The following CHM variants were observed in gnomAD, a reference collection of about 807,000 sequenced individuals.
CHM encodes the protein rab proteins geranylgeranyltransferase component A 1.
Under a neutral mutation model 49.0 loss-of-function variants are expected in CHM, and 10 were observed. That is an observed-to-expected ratio of 0.20 (90% CI 0.13 to 0.35). CHM has a LOEUF of 0.35. Ranked by LOEUF, CHM falls within the 10% of genes least tolerant of loss-of-function variation. The probability of loss-of-function intolerance (pLI) is 1.00; values close to 1 mark genes in which losing one functional copy is unlikely to be tolerated. For synonymous variants in CHM, 184 were observed against 167.5 expected, an observed-to-expected ratio of 1.10 and a Z score of -0.76; for missense variants, 455 against 478.4, an observed-to-expected ratio of 0.95 and a Z score of 0.46.
At chrX:85,873,291 G>A (rs1603234398) in intron 13 of CHM, 79 bp from the exon 14 acceptor site, 7 of 738,010 alleles carry the variant, frequency 9.5e-6, no homozygotes, top group African/African-American at 6.4e-5. Context: ...GCCTATTACC[G>A]ATTAAGCCAT....
chrX:85,876,709 A>C (rs748095301), intron 13 of CHM, among the ~76,000 whole-genome samples: 2 of 111,812 alleles, frequency 1.8e-5, no homozygotes, highest in East Asian at 5.6e-4. Context: ...TCAGTGCCTC[A>C]GTGCACCTGA....
At chrX:85,943,237 A>T (rs887430902) in intron 8 of CHM, among the ~76,000 whole-genome samples, 6 of 110,768 alleles carry the variant, frequency 5.4e-5, no homozygotes, top group Non-Finnish European at 3.8e-5. Context: ...GAACTCAAAC[A>T]AATTTACAAG....
At chrX:86,006,109 A>G (rs924199607) in intron 2 of CHM, among the ~76,000 whole-genome samples, 5 of 112,133 alleles carry the variant, frequency 4.5e-5, no homozygotes, top group Non-Finnish European at 9.4e-5. Flanking sequence ...CTGGTTCAAC[A>G]TACGCAAATC....
chrX:85,930,844 CT>C (rs1928385795), intron 8 of CHM, among the ~76,000 whole-genome samples: 2 of 112,010 alleles, frequency 1.8e-5, no homozygotes, highest in South Asian at 7.4e-4. Context: ...GAATTTCTTC[CT>C]TTGCCAATAA....
At chrX:85,981,206 C>CTATTTCTA (rs1555958595) in intron 3 of CHM, among the ~76,000 whole-genome samples, 3 of 54,366 alleles carry the variant, frequency 5.5e-5, no homozygotes, top group Non-Finnish European at 1.1e-4. Flanking sequence ...ATTTCTATTT[C>CTATTTCTA]TATATATATA....
intron 4 of CHM, chrX:85,971,062 T>C (rs1930871304): frequency 1.6e-6 from 1 of 610,558 alleles, no homozygotes; most frequent in African/African-American, 2.5e-5. Flanking sequence ...AAAATAACTA[T>C]CCTATATATT....
intron 4 of CHM, among the ~76,000 whole-genome samples, chrX:85,973,957 T>G (rs759725650): frequency 8.9e-6 from 1 of 111,893 alleles, no homozygotes; most frequent in South Asian, 3.7e-4. Flanking sequence ...CATAAAACTT[T>G]TCCTCTTTAC....
At chrX:85,912,052 A>G (rs1236965898) in intron 8 of CHM, among the ~76,000 whole-genome samples, 2 of 2,804 alleles carry the variant, frequency 7.1e-4, no homozygotes, top group African/African-American at 1.5e-3. Context: ...AAAGAGGGAG[A>G]AAACAAGCAA....
At chrX:86,005,443 A>T (rs1426084109) in intron 2 of CHM, among the ~76,000 whole-genome samples, 1 of 111,861 alleles carries the variant, frequency 8.9e-6, no homozygotes, top group Non-Finnish European at 1.9e-5. Context: ...CAGATCCACA[A>T]AAAACCCTTC....
chrX:86,028,381 A>G (rs898640621), intron 1 of CHM, among the ~76,000 whole-genome samples: 4 of 111,910 alleles, frequency 3.6e-5, no homozygotes, highest in Non-Finnish European at 7.5e-5. Flanking sequence ...CGAAGCCACA[A>G]TGCCTCTGAG....
intron 8 of CHM, among the ~76,000 whole-genome samples, chrX:85,949,984 T>A (rs1025049238): frequency 1.3e-4 from 6 of 44,889 alleles, no homozygotes; most frequent in East Asian, 1.4e-3. Context: ...ATTAAATATA[T>A]ATATATATAT....
intron 1 of CHM, among the ~76,000 whole-genome samples, chrX:86,046,432 G>A (rs1934656039): frequency 1.8e-5 from 2 of 112,104 alleles, no homozygotes. Context: ...CAGTGATTAG[G>A]AAATTTTAAG....
intron 13 of CHM, among the ~76,000 whole-genome samples, chrX:85,876,623 T>A (rs1243596426): frequency 1.8e-5 from 2 of 111,481 alleles, no homozygotes; most frequent in Non-Finnish European, 3.8e-5. Flanking sequence ...GTATTTGTTC[T>A]GACATTTTAA....
At chrX:86,044,388 T>C (rs1418207791) in intron 1 of CHM, among the ~76,000 whole-genome samples, 1 of 112,348 alleles carries the variant, frequency 8.9e-6, no homozygotes. Context: ...TCCTTGTATC[T>C]TCTAAGGGGG....
intron 2 of CHM, among the ~76,000 whole-genome samples, chrX:86,007,447 A>G (rs1204959969): frequency 8.9e-6 from 1 of 111,926 alleles, no homozygotes; most frequent in Non-Finnish European, 1.9e-5. Context: ...GCACAGCAAA[A>G]GAAACTACCA....
intron 12 of CHM, among the ~76,000 whole-genome samples, chrX:85,889,559 C>T (rs755873178): frequency 8.9e-6 from 1 of 112,000 alleles, no homozygotes; most frequent in South Asian, 3.7e-4. Context: ...ATAACAGATG[C>T]TGTCCAGGCT....
intron 8 of CHM, among the ~76,000 whole-genome samples, chrX:85,955,669 T>C (rs947017263): frequency 2.7e-5 from 3 of 112,249 alleles, no homozygotes; most frequent in African/African-American, 9.7e-5. Context: ...GAACACGATG[T>C]TGTAAAGTGT....
intron 8 of CHM, among the ~76,000 whole-genome samples, chrX:85,949,981 ATATAT>A (rs1569422880): frequency 9.4e-4 from 46 of 48,739 alleles, no homozygotes; most frequent in African/African-American, 3.0e-3. Flanking sequence ...GAAATTAAAT[ATATAT>A]ATATATATAT....
chrX:85,998,844 T>A (rs1367544119), intron 2 of CHM, among the ~76,000 whole-genome samples: 1 of 111,766 alleles, frequency 8.9e-6, no homozygotes, highest in African/African-American at 3.3e-5. Context: ...ACAATCTATA[T>A]TGATGGTCTA....
Sources: gnomAD v4.1 joint callset for allele counts (sites outside exome capture counted in the v4.1 genomes callset) on GRCh38, gnomAD v4.1.1 for gene constraint, MANE v1.5 for transcripts, NCBI Gene and HGNC (gene_info 2026-07-23, HGNC 2026-07-21) for gene names.